RANBP2: variants seen among roughly 807,000 people sequenced by gnomAD.
RANBP2 encodes RAN binding protein 2, also known as E3 SUMO-protein ligase RanBP2.
A neutral mutation model predicts 303.6 loss-of-function variants in RANBP2; 57 were observed. The ratio of observed to expected loss-of-function variants is 0.19; its 90% CI spans 0.15 to 0.23. The LOEUF is 0.23. Among genes scored for constraint, RANBP2 ranks in the 10% least tolerant of loss-of-function variants. RANBP2 has a pLI of 1.00. For synonymous variants in RANBP2, 1,167 were observed against 1,301.5 expected (o/e 0.90, Z 2.23); for missense variants, 3,138 against 3,780.8 (o/e 0.83, Z 4.46).
the RANBP2 span, among the ~76,000 whole-genome samples, chr2:109,690,328 G>A: frequency 1.0e-3 from 153 of 152,312 alleles, no homozygotes; most frequent in African/African-American, 3.3e-3. Context: ...ACTCAAAGTT[G>A]TGGGAGCACT....
At chr2:109,766,456 A>G in the RANBP2 span, among the ~76,000 whole-genome samples, 1 of 150,598 alleles carries the variant, frequency 6.6e-6, no homozygotes, top group African/African-American at 2.4e-5. Flanking sequence ...GGAGGAACCC[A>G]GGGAGTGTGC....
the RANBP2 span, among the ~76,000 whole-genome samples, chr2:109,548,981 G>A: frequency 1.4e-3 from 220 of 152,164 alleles, no homozygotes; most frequent in Admixed American, 2.6e-3. Flanking sequence ...ACAGATAATC[G>A]ATTAAGGCCC....
At chr2:109,407,957 T>C in the RANBP2 span, among the ~76,000 whole-genome samples, 1 of 152,176 alleles carries the variant, frequency 6.6e-6, no homozygotes, top group Non-Finnish European at 1.5e-5. Flanking sequence ...CTTTTGCTGC[T>C]ATGACGAGCT....
the RANBP2 span, among the ~76,000 whole-genome samples, chr2:109,227,288 G>A: frequency 6.6e-6 from 1 of 152,140 alleles, no homozygotes; most frequent in Non-Finnish European, 1.5e-5. Flanking sequence ...AAGAAGCTCT[G>A]TGAATGTCAG....
the RANBP2 span, among the ~76,000 whole-genome samples, chr2:108,986,478 C>G: frequency 6.6e-6 from 1 of 152,122 alleles, no homozygotes; most frequent in Non-Finnish European, 1.5e-5. Context: ...GTGTTGGAGG[C>G]AGAGGACACA....
At chr2:109,695,172 AT>A in the RANBP2 span, among the ~76,000 whole-genome samples, 5 of 151,278 alleles carry the variant, frequency 3.3e-5, no homozygotes, top group Non-Finnish European at 5.9e-5. Context: ...TTTGCAAAGA[AT>A]TTTTTTTTCT....
At chr2:108,943,899 C>T in the RANBP2 span, among the ~76,000 whole-genome samples, 1 of 152,228 alleles carries the variant, frequency 6.6e-6, no homozygotes, top group East Asian at 1.9e-4. Flanking sequence ...TTTCCACCCA[C>T]TGCACCTCAG....
At chr2:109,218,909 G>T in the RANBP2 span, among the ~76,000 whole-genome samples, 1 of 152,176 alleles carries the variant, frequency 6.6e-6, no homozygotes, top group Admixed American at 6.5e-5. Flanking sequence ...CAAGAACCAG[G>T]TGAGAGCCCT....
At chr2:108,796,042 A>G in the RANBP2 span, among the ~76,000 whole-genome samples, 86 of 152,174 alleles carry the variant, frequency 5.7e-4, no homozygotes, top group African/African-American at 2.0e-3. Context: ...TCTATAGTTT[A>G]TTTTTATTTA....
At chr2:109,297,785 C>T in the RANBP2 span, among the ~76,000 whole-genome samples, 1,591 of 152,052 alleles carry the variant, frequency 0.01, 32 homozygotes, top group African/African-American at 0.036. Context: ...GTCATTGCCC[C>T]CAACTAGGTC....
At chr2:109,418,992 T>C in the RANBP2 span, among the ~76,000 whole-genome samples, 2 of 151,982 alleles carry the variant, frequency 1.3e-5, no homozygotes, top group East Asian at 3.9e-4. Context: ...GTTCCTCGGG[T>C]CATCTCCTTG....
chr2:109,766,892 G>T, the RANBP2 span, among the ~76,000 whole-genome samples: 9 of 149,100 alleles, frequency 6.0e-5, no homozygotes, highest in African/African-American at 1.5e-4. Flanking sequence ...TAATTTTTTT[G>T]TTGTTGTTTT....
the RANBP2 span, among the ~76,000 whole-genome samples, chr2:109,073,905 C>A: frequency 6.7e-6 from 1 of 150,252 alleles, no homozygotes; most frequent in Non-Finnish European, 1.5e-5. Flanking sequence ...CCCCTGGTAA[C>A]CACAAAGAAA....
At chr2:109,778,500 T>G in the RANBP2 span, among the ~76,000 whole-genome samples, 3 of 150,028 alleles carry the variant, frequency 2.0e-5, no homozygotes, top group Non-Finnish European at 4.4e-5. Flanking sequence ...ATTGGACAAC[T>G]CCAGAAGACC....
the RANBP2 span, among the ~76,000 whole-genome samples, chr2:109,370,911 A>G: frequency 1.3e-5 from 2 of 152,156 alleles, no homozygotes; most frequent in East Asian, 3.8e-4. Flanking sequence ...GGACTGAGTT[A>G]TTTTTTTGTT....
chr2:109,212,474 C>T, the RANBP2 span, among the ~76,000 whole-genome samples: 1 of 152,186 alleles, frequency 6.6e-6, no homozygotes, highest in African/African-American at 2.4e-5. Flanking sequence ...AGCAACCATC[C>T]TGACTGCATT....
chr2:109,408,182 C>G, the RANBP2 span, among the ~76,000 whole-genome samples: 1 of 152,158 alleles, frequency 6.6e-6, no homozygotes, highest in Admixed American at 6.5e-5. Flanking sequence ...GAATGCCCAC[C>G]GGTAGGCCCC....
the RANBP2 span, among the ~76,000 whole-genome samples, chr2:109,461,205 C>T: frequency 6.6e-6 from 1 of 152,254 alleles, no homozygotes; most frequent in African/African-American, 2.4e-5. Flanking sequence ...CAGCTTTATG[C>T]TTGGTGGGTC....
At chr2:108,755,129 G>C in intron 16 of RANBP2, 45 bp downstream of exon 16, 1 of 1,611,796 alleles carries the variant, frequency 6.2e-7, no homozygotes, top group African/African-American at 1.3e-5. Context: ...AATTGTTTCT[G>C]TTCTAAGTGT....
Sources: gnomAD v4.1 joint callset for allele counts (sites outside exome capture counted in the v4.1 genomes callset) on GRCh38, gnomAD v4.1.1 for gene constraint, MANE v1.5 for transcripts, NCBI Gene and HGNC (gene_info 2026-07-23, HGNC 2026-07-21) for gene names.